Variants in SPRED2 observed in about 807,000 individuals in gnomAD.
SPRED2 encodes the protein sprouty-related, EVH1 domain-containing protein 2.
A neutral mutation model predicts 43.0 loss-of-function variants in SPRED2; 47 were observed. The observed-to-expected ratio is 1.09, with a 90% CI of 0.87 to 1.40. SPRED2 has a LOEUF of 1.40. Ranked by LOEUF, SPRED2 falls within the 40% of genes most tolerant of loss-of-function variation. The pLI, the probability that SPRED2 is intolerant of heterozygous loss-of-function variation, is 0.00. For synonymous variants in SPRED2, 225 were observed against 225.7 expected (o/e 1.00, Z 0.03); for missense variants, 561 against 586.4 (o/e 0.96, Z 0.45).
Position 65,344,827 on chromosome 2 carries a change from T to G in SPRED2, c.96A>C (p.Pro32=). ...TRDDSSGGWF[P]QEGGGISRVG... ...CGCGACTGATCCCGCCTCCTTCCTG[T>G]GGGAACCATCCCCCGCTGGAGTCAT... The change falls in exon 2 of 6, where the codon CCA becomes CCC. Residue 32 remains proline, a synonymous_variant. Coordinates refer to ENST00000356388, the MANE Select transcript of SPRED2 (RefSeq NM_181784.3). 1 of 1,614,182 alleles carries G rather than the reference T, an allele frequency of 6.2e-7. No individual in the cohort carries two copies. Among genetic ancestry groups the G allele is most frequent in the Non-Finnish European group, 8.5e-7 (1 of 1,180,040 alleles).
intron 2 of SPRED2, among the ~76,000 whole-genome samples, chr2:65,339,749 A>G (rs527312565): frequency 6.6e-6 from 1 of 150,754 alleles, no homozygotes; most frequent in East Asian, 1.9e-4. Flanking sequence ...AAAAAAAAAG[A>G]AAGTGAAAGA....
intron 1 of SPRED2, among the ~76,000 whole-genome samples, chr2:65,354,189 A>G (rs1674584314): frequency 6.6e-6 from 1 of 152,210 alleles, no homozygotes; most frequent in Admixed American, 6.5e-5. Flanking sequence ...CCTGAGTGAC[A>G]GTTCTGGTAA....
rs537826529 is a variant in SPRED2 at position 65,316,456 on chromosome 2, A to G, written c.588+278T>C. On this transcript the variant is annotated intron_variant, in intron 5 of 5. Transcript: ENST00000356388. ...TCTCTAAGCCTCAGCTTCCTCATCGATAACCTGGGGAGGCTGAAGACTTGC... is the reference window on the plus strand; with the variant it reads ...TCTCTAAGCCTCAGCTTCCTCATCGGTAACCTGGGGAGGCTGAAGACTTGC... Among the ~76,000 whole-genome samples the G allele has an allele frequency of 1.8e-4, 27 of 152,348 alleles. No individual in the cohort carries two copies. In the East Asian group the frequency reaches 3.3e-3, roughly 18 times the overall value.
intron 1 of SPRED2, among the ~76,000 whole-genome samples, chr2:65,375,744 T>C (rs544679679): frequency 2.0e-5 from 3 of 152,348 alleles, no homozygotes; most frequent in African/African-American, 7.2e-5. Flanking sequence ...TTTTAAACTT[T>C]TAAACAAGGT....
chr2:65,429,854 A>G (rs1676638326), intron 1 of SPRED2, among the ~76,000 whole-genome samples: 1 of 152,250 alleles, frequency 6.6e-6, no homozygotes, highest in Admixed American at 6.5e-5. Context: ...AGTGGAGGCT[A>G]CGGCTTCATG....
At chr2:65,345,747 C>T (rs2104271046) in intron 1 of SPRED2, among the ~76,000 whole-genome samples, 2 of 152,232 alleles carry the variant, frequency 1.3e-5, no homozygotes, top group South Asian at 4.1e-4. Context: ...TTCCAATAAC[C>T]CTTTACATAT....
At chr2:65,316,987 G>T in intron 4 of SPRED2, 104 bp from the exon 5 acceptor site, 1 of 1,249,666 alleles carries the variant, frequency 8.0e-7, no homozygotes. Context: ...TTCCCTGGTT[G>T]TGGCAATTTG....
At chr2:65,427,157 G>A (rs13396987) in intron 1 of SPRED2, among the ~76,000 whole-genome samples, 6,541 of 152,028 alleles carry the variant, frequency 0.043, 475 homozygotes, top group African/African-American at 0.15. Flanking sequence ...TTGCAGCCTC[G>A]ACCTCCTGGC....
chr2:65,365,895 T>C (rs561854602), intron 1 of SPRED2, among the ~76,000 whole-genome samples: 1 of 152,220 alleles, frequency 6.6e-6, no homozygotes, highest in South Asian at 2.1e-4. Flanking sequence ...AGACACAGCC[T>C]CCCAATTATG....
At chr2:65,427,392 C>T (rs986192521) in intron 1 of SPRED2, among the ~76,000 whole-genome samples, 8 of 152,128 alleles carry the variant, frequency 5.3e-5, no homozygotes, top group African/African-American at 1.9e-4. Flanking sequence ...GCACAGTCAA[C>T]TCCATATTTT....
intron 4 of SPRED2, among the ~76,000 whole-genome samples, chr2:65,330,882 T>C (rs986961535): frequency 2.0e-5 from 3 of 152,170 alleles, no homozygotes; most frequent in African/African-American, 7.2e-5. Flanking sequence ...TGTGCCCAAA[T>C]GTTACAACAG....
Position 65,311,726 on chromosome 2 carries a change from A to G in SPRED2, c.*1775T>C. 1 of 985,476 alleles carries G rather than the reference A, an allele frequency of 1.0e-6. No homozygotes were observed. The highest frequency in any genetic ancestry group is 1.2e-6 in the Non-Finnish European group (1 of 829,944). The allele number at this position is 985,476 out of a possible 1,614,324, so 61.0% of individuals were successfully genotyped here. On this transcript the variant is annotated 3_prime_UTR_variant, in exon 6 of 6. Coordinates refer to ENST00000356388, the MANE Select transcript of SPRED2 (RefSeq NM_181784.3). ...AAGCCTAAACCAGTTACTCCAATGAATGAAGACGTCTACTAACTGACTCAT... is the reference window on the plus strand; with the variant it reads ...AAGCCTAAACCAGTTACTCCAATGAGTGAAGACGTCTACTAACTGACTCAT...
In SPRED2 at chr2:65,312,008, T is replaced by C. The variant is rs1162350895; in HGVS notation, c.*1493A>G. On this transcript the variant is annotated 3_prime_UTR_variant, in exon 6 of 6. Coordinates refer to ENST00000356388, the MANE Select transcript of SPRED2 (RefSeq NM_181784.3). ...ATCGTGGCGGGAAGAACAGCCGGCG[T>C]CCGCAAGCCTGTCCCCGGTGGTCTC... The C allele has an allele frequency of 1.0e-6, 1 of 985,034 alleles. No homozygotes were observed. The highest frequency in any genetic ancestry group is 1.1e-4 in the East Asian group (1 of 8,804). 61.0% of individuals were successfully genotyped at this position (985,034 alleles called of 1,614,324 possible). A position where few individuals can be genotyped will look rare whatever the true frequency, so the allele number is the denominator to read the frequency against.
chr2:65,326,446 C>CGTT (rs1186567628), intron 4 of SPRED2, among the ~76,000 whole-genome samples: 1 of 152,176 alleles, frequency 6.6e-6, no homozygotes, highest in Non-Finnish European at 1.5e-5. Flanking sequence ...TGAGGGCCTA[C>CGTT]GTTGGTTCCA....
intron 1 of SPRED2, among the ~76,000 whole-genome samples, chr2:65,417,108 T>TC (rs1257288522): frequency 6.6e-6 from 1 of 151,276 alleles, no homozygotes; most frequent in Non-Finnish European, 1.5e-5. Context: ...GGCACCCACC[T>TC]CCCCCCACCC....
At chr2:65,396,947 T>C (rs566365566) in intron 1 of SPRED2, among the ~76,000 whole-genome samples, 1 of 152,182 alleles carries the variant, frequency 6.6e-6, no homozygotes, top group African/African-American at 2.4e-5. Flanking sequence ...CTTAAAAGCA[T>C]GTGCTGGTAG....
chr2:65,362,727 GC>G lies in SPRED2; in HGVS notation c.27-17832del, dbSNP rs1210259359. On this transcript the variant is annotated intron_variant, in intron 1 of 5. Coordinates refer to ENST00000356388, the MANE Select transcript of SPRED2 (RefSeq NM_181784.3). The stretch of plus-strand genomic sequence containing the variant: ...TACAAAATTAGCCAGGCGTGGTGGT[GC>G]ATGTCTGTAATCCTAGCTACTTGGG... Among the ~76,000 whole-genome samples, 13 of 152,006 alleles carry G rather than the reference GC, an allele frequency of 8.6e-5. 1 individual carries two copies. The highest frequency in any genetic ancestry group is 7.9e-4 in the Admixed American group (12 of 15,268).
intron 1 of SPRED2, among the ~76,000 whole-genome samples, chr2:65,359,117 G>A (rs1488584683): frequency 1.3e-5 from 2 of 152,280 alleles, no homozygotes; most frequent in East Asian, 3.9e-4. Flanking sequence ...GACTGTTGGT[G>A]AGCAATTAAG....
At position 65,401,949 on chromosome 2, in the gene SPRED2, A is replaced by G. The variant is rs1231605235; in HGVS notation, c.26+30013T>C. ...TTAGCGCGCGCGCGCACACACACAC[A>G]CACACACACACACACACACACACAC... On this transcript the variant is annotated intron_variant, in intron 1 of 5. Coordinates refer to ENST00000356388, the MANE Select transcript of SPRED2 (RefSeq NM_181784.3). Among the ~76,000 whole-genome samples the G allele has an allele frequency of 3.7e-3, 549 of 148,858 alleles. 7 individuals carry two copies. Among genetic ancestry groups the G allele is most frequent in the African/African-American group, 0.011 (426 of 39,674 alleles).
Sources: gnomAD v4.1 joint callset for allele counts (sites outside exome capture counted in the v4.1 genomes callset) on GRCh38, gnomAD v4.1.1 for gene constraint, MANE v1.5 for transcripts, NCBI Gene and HGNC (gene_info 2026-07-23, HGNC 2026-07-21) for gene names.